ST6GALNAC3: variants seen among roughly 807,000 people sequenced by gnomAD.
The protein encoded by ST6GALNAC3 is alpha-N-acetylgalactosaminide alpha-2,6-sialyltransferase 3.
A neutral mutation model predicts 32.7 loss-of-function variants in ST6GALNAC3; 25 were observed. That is an observed-to-expected ratio of 0.76 (90% CI 0.56 to 1.07). The LOEUF (loss-of-function observed/expected upper bound fraction) is 1.07, where lower values mean the gene tolerates loss of function less well. Among genes scored for constraint, ST6GALNAC3 ranks in the 50% least tolerant of loss-of-function variants. The probability of loss-of-function intolerance (pLI) is 0.00; values close to 1 mark genes in which losing one functional copy is unlikely to be tolerated. For synonymous variants in ST6GALNAC3, 129 were observed against 133.1 expected (o/e 0.97, Z 0.21); for missense variants, 355 against 382.4 (o/e 0.93, Z 0.60).
intron 3 of ST6GALNAC3, among the ~76,000 whole-genome samples, chr1:76,481,641 C>T (rs1174360383): frequency 6.6e-6 from 1 of 152,146 alleles, no homozygotes; most frequent in Admixed American, 6.6e-5. Context: ...GCATTTAAGA[C>T]TTTAACAATC....
At chr1:76,461,272 T>C (rs961255927) in intron 3 of ST6GALNAC3, among the ~76,000 whole-genome samples, 1 of 152,206 alleles carries the variant, frequency 6.6e-6, no homozygotes, top group Non-Finnish European at 1.5e-5. Flanking sequence ...TGAATCTTAG[T>C]ACAACTTTAA....
At chr1:76,246,746 G>A (rs368688544) in intron 1 of ST6GALNAC3, among the ~76,000 whole-genome samples, 6 of 152,078 alleles carry the variant, frequency 3.9e-5, no homozygotes, top group African/African-American at 1.2e-4. Flanking sequence ...CATTGGGTTC[G>A]AACATGCTCT....
intron 3 of ST6GALNAC3, among the ~76,000 whole-genome samples, chr1:76,543,505 G>A (rs1305670706): frequency 6.6e-6 from 1 of 152,150 alleles, no homozygotes; most frequent in Non-Finnish European, 1.5e-5. Flanking sequence ...AAAAAAATAT[G>A]CAGATAAATT....
intron 1 of ST6GALNAC3, among the ~76,000 whole-genome samples, chr1:76,130,625 C>A (rs1649549323): frequency 2.6e-5 from 4 of 152,200 alleles, no homozygotes; most frequent in Admixed American, 2.6e-4. Flanking sequence ...ATGGAACCCT[C>A]CTGGGCTTTT....
At chr1:76,502,379 A>C (rs1471365972) in intron 3 of ST6GALNAC3, among the ~76,000 whole-genome samples, 1 of 152,124 alleles carries the variant, frequency 6.6e-6, no homozygotes, top group East Asian at 1.9e-4. Flanking sequence ...AAGACCACAA[A>C]CTGGGTGCCT....
At chr1:76,511,253 AACTCTCATTTGAAGCCCTCAAGTGTCTG>A in intron 3 of ST6GALNAC3, among the ~76,000 whole-genome samples, 1 of 152,300 alleles carries the variant, frequency 6.6e-6, no homozygotes, top group Admixed American at 6.5e-5. Flanking sequence ...GACATCCTTT[AACTCTCATTTGAAGCCCTCAAGTGTCTG>A]ACCTCAGTCC....
In ST6GALNAC3 at chr1:76,629,963, A is replaced by T; in HGVS notation, c.*1157A>T. On this transcript the variant is annotated 3_prime_UTR_variant, in exon 5 of 5. Coordinates refer to ENST00000328299, the MANE Select transcript of ST6GALNAC3 (RefSeq NM_152996.4). ...GGATTTATTTTTCCCATAGTGTATC[A>T]GTTGTTATGCCACAATAACAACAAT... 1.0e-6 allele frequency: 1 copy of T among 985,052 alleles called. No individual in the cohort carries two copies. Among genetic ancestry groups the T allele is most frequent in the Non-Finnish European group, 1.2e-6 (1 of 829,686 alleles). The allele number at this position is 985,052 out of a possible 1,614,324, so 61.0% of individuals were successfully genotyped here.
intron 1 of ST6GALNAC3, among the ~76,000 whole-genome samples, chr1:76,169,943 T>G (rs1275529757): frequency 2.0e-5 from 3 of 152,206 alleles, no homozygotes; most frequent in African/African-American, 7.2e-5. Context: ...TTTTCAGGGT[T>G]CTTGCACTGA....
At chr1:76,452,270 C>T (rs1031282276) in intron 3 of ST6GALNAC3, among the ~76,000 whole-genome samples, 9 of 151,986 alleles carry the variant, frequency 5.9e-5, no homozygotes, top group African/African-American at 9.7e-5. Flanking sequence ...CTGCCATCCA[C>T]GTAAGATGTG....
intron 2 of ST6GALNAC3, among the ~76,000 whole-genome samples, chr1:76,390,956 T>TC (rs1652491049): frequency 6.7e-6 from 1 of 148,162 alleles, no homozygotes; most frequent in Non-Finnish European, 1.5e-5. Flanking sequence ...ATTTTTTTTT[T>TC]TGAGATGGAG....
chr1:76,205,377 C>A (rs72675916), intron 1 of ST6GALNAC3, among the ~76,000 whole-genome samples: 2,054 of 152,192 alleles, frequency 0.013, 18 homozygotes, highest in Middle Eastern at 0.044. Flanking sequence ...GTCACTACAT[C>A]TCCCCATCTA....
At position 76,629,944 on chromosome 1, in the gene ST6GALNAC3, AT is replaced by A. The variant is rs1649204566; in HGVS notation, c.*1143del. The A allele has an allele frequency of 1.0e-6, 1 of 984,976 alleles. No individual in the cohort carries two copies. The highest frequency in any genetic ancestry group is 1.7e-5 in the African/African-American group (1 of 57,162). 61.0% of individuals were successfully genotyped at this position (984,976 alleles called of 1,614,324 possible). On this transcript the variant is annotated 3_prime_UTR_variant, in exon 5 of 5. Coordinates refer to ENST00000328299, the MANE Select transcript of ST6GALNAC3 (RefSeq NM_152996.4). ...AGAGCTTTTTGCCTTCTAGGGATTT[AT>A]TTTTCCCATAGTGTATCAGTTGTTA...
At chr1:76,404,228 T>TTTATGTGCTGTGAGATTTA (rs1653649008) in intron 2 of ST6GALNAC3, among the ~76,000 whole-genome samples, 1 of 152,070 alleles carries the variant, frequency 6.6e-6, no homozygotes, top group Admixed American at 6.6e-5. Context: ...AATCTGTCTT[T>TTTATGTGCTGTGAGATTTA]TTATGTGCTG....
chr1:76,203,095 G>C (rs1025606109), intron 1 of ST6GALNAC3, among the ~76,000 whole-genome samples: 1 of 152,140 alleles, frequency 6.6e-6, no homozygotes, highest in African/African-American at 2.4e-5. Context: ...TACAAGTTCT[G>C]GGCTAGGTCC....
chr1:76,362,800 C>G (rs907766059), intron 2 of ST6GALNAC3, among the ~76,000 whole-genome samples: 1 of 152,222 alleles, frequency 6.6e-6, no homozygotes, highest in African/African-American at 2.4e-5. Flanking sequence ...TTGGGCAGCT[C>G]TGTCCATGTG....
intron 3 of ST6GALNAC3, among the ~76,000 whole-genome samples, chr1:76,561,625 T>G (rs1045526592): frequency 3.3e-5 from 5 of 152,066 alleles, no homozygotes; most frequent in Non-Finnish European, 5.9e-5. Context: ...ATAATAAAAA[T>G]GATTGGCAAA....
chr1:76,255,321 A>T (rs1657859339), intron 1 of ST6GALNAC3, among the ~76,000 whole-genome samples: 1 of 152,130 alleles, frequency 6.6e-6, no homozygotes, highest in Non-Finnish European at 1.5e-5. Context: ...AACAAATTAT[A>T]GTTAAATGAT....
At chr1:76,108,478 G>A (rs1003490564) in intron 1 of ST6GALNAC3, among the ~76,000 whole-genome samples, 4 of 152,134 alleles carry the variant, frequency 2.6e-5, no homozygotes, top group African/African-American at 9.7e-5. Context: ...CCAAATCAAG[G>A]CCTCTTCCAT....
At chr1:76,468,258 C>T (rs1232308721) in intron 3 of ST6GALNAC3, among the ~76,000 whole-genome samples, 1 of 151,848 alleles carries the variant, frequency 6.6e-6, no homozygotes, top group African/African-American at 2.4e-5. Flanking sequence ...AGAAAAGACC[C>T]CCACTTAGAT....
Sources: allele counts gnomAD v4.1 joint callset (sites outside exome capture counted in the v4.1 genomes callset), GRCh38; gene constraint gnomAD v4.1.1; transcripts MANE v1.5; gene names NCBI Gene and HGNC (gene_info 2026-07-23, HGNC 2026-07-21).